Variants in ZNF385B observed in about 807,000 individuals in gnomAD.
ZNF385B encodes the protein zinc finger protein 533.
Under a neutral mutation model 39.2 loss-of-function variants are expected in ZNF385B, and 23 were observed. The observed-to-expected ratio is 0.59, with a 90% CI of 0.42 to 0.83. ZNF385B has a LOEUF of 0.83. ZNF385B is among the 40% of genes least tolerant of loss of function. The probability of loss-of-function intolerance (pLI) is 0.00; values close to 1 mark genes in which losing one functional copy is unlikely to be tolerated. For missense variants in ZNF385B, 552 were observed against 598.9 expected, an observed-to-expected ratio of 0.92 and a Z score of 0.82; for synonymous variants, 205 against 222.6, an observed-to-expected ratio of 0.92 and a Z score of 0.70.
chr2:179,715,857 T>C (rs1700297341), intron 3 of ZNF385B, among the ~76,000 whole-genome samples: 1 of 152,178 alleles, frequency 6.6e-6, no homozygotes, highest in Non-Finnish European at 1.5e-5. Context: ...ATACCCATCA[T>C]GAATAAATAT....
chr2:179,495,970 G>A (rs1181522593), intron 5 of ZNF385B, among the ~76,000 whole-genome samples: 2 of 152,078 alleles, frequency 1.3e-5, no homozygotes, highest in Non-Finnish European at 2.9e-5. Context: ...ACACTATCCA[G>A]GAAAACATGA....
In ZNF385B at chr2:179,801,221, C is replaced by A. The variant is rs138722642; in HGVS notation, c.-154-30549G>T. ...TCTCCTTCATACTATGGAGTTGTTA[C>A]TAGGAAGTAGCTGCTCACGGAGGCC... On this transcript the variant is annotated intron_variant, in intron 1 of 9. Transcript: ENST00000410066. Among the ~76,000 whole-genome samples, 529 of 152,154 alleles carry A rather than the reference C, an allele frequency of 3.5e-3. 2 individuals carry two copies. Among genetic ancestry groups the A allele is most frequent in the Middle Eastern group, 0.014 (4 of 294 alleles).
intron 3 of ZNF385B, among the ~76,000 whole-genome samples, chr2:179,676,027 T>C (rs964905426): frequency 6.6e-6 from 1 of 151,294 alleles, no homozygotes. Flanking sequence ...GACCTCGTGA[T>C]TGGCCCACCC....
intron 1 of ZNF385B, among the ~76,000 whole-genome samples, chr2:179,798,523 T>C (rs937527894): frequency 6.6e-6 from 1 of 152,170 alleles, no homozygotes; most frequent in African/African-American, 2.4e-5. Flanking sequence ...CTGATCTTCA[T>C]CTTTATCTTC....
intron 3 of ZNF385B, among the ~76,000 whole-genome samples, chr2:179,620,148 C>T (rs896939179): frequency 6.6e-6 from 1 of 152,144 alleles, no homozygotes; most frequent in Admixed American, 6.6e-5. Flanking sequence ...GAGTGATTAG[C>T]TAAGATTATG....
intron 6 of ZNF385B, among the ~76,000 whole-genome samples, chr2:179,473,693 GC>G (rs2053078228): frequency 6.6e-6 from 1 of 151,904 alleles, no homozygotes; most frequent in Non-Finnish European, 1.5e-5. Flanking sequence ...CCTCTGACAG[GC>G]CCCAGTGTGT....
intron 3 of ZNF385B, among the ~76,000 whole-genome samples, chr2:179,676,105 T>C (rs1393834980): frequency 6.6e-6 from 1 of 150,828 alleles, no homozygotes; most frequent in African/African-American, 2.4e-5. Context: ...TTTTTTTTCT[T>C]TGAGACGGAG....
chr2:179,530,749 T>C (rs143380099), intron 4 of ZNF385B, among the ~76,000 whole-genome samples: 43 of 152,344 alleles, frequency 2.8e-4, no homozygotes, highest in African/African-American at 8.9e-4. Flanking sequence ...ATGAAGCATT[T>C]TTCCCCATAA....
intron 3 of ZNF385B, among the ~76,000 whole-genome samples, chr2:179,683,741 G>A (rs925471285): frequency 3.3e-5 from 5 of 152,122 alleles, no homozygotes; most frequent in African/African-American, 9.7e-5. Flanking sequence ...CTCCCAAAGT[G>A]CTAGGATTAC....
At chr2:179,498,947 G>C (rs774068503) in intron 5 of ZNF385B, among the ~76,000 whole-genome samples, 13 of 151,764 alleles carry the variant, frequency 8.6e-5, no homozygotes, top group Non-Finnish European at 1.5e-4. Flanking sequence ...AAAAAAGACA[G>C]AAGATCCAAA....
chr2:179,532,458 C>T (rs2059310517), intron 4 of ZNF385B, among the ~76,000 whole-genome samples: 1 of 152,128 alleles, frequency 6.6e-6, no homozygotes, highest in African/African-American at 2.4e-5. Flanking sequence ...AGCAAGTTGT[C>T]ATGAAACATG....
chr2:179,569,058 A>G (rs1684915446), intron 3 of ZNF385B, among the ~76,000 whole-genome samples: 1 of 152,168 alleles, frequency 6.6e-6, no homozygotes, highest in African/African-American at 2.4e-5. Flanking sequence ...CCAATTTTCA[A>G]ATTAACACAG....
At chr2:179,469,582 G>A (rs1451583820) in intron 6 of ZNF385B, among the ~76,000 whole-genome samples, 2 of 152,150 alleles carry the variant, frequency 1.3e-5, no homozygotes, top group East Asian at 3.9e-4. Flanking sequence ...CAAATTGGCC[G>A]ACTTTGGGTA....
chr2:179,853,887 A>G (rs1684372872), intron 1 of ZNF385B, among the ~76,000 whole-genome samples: 1 of 152,218 alleles, frequency 6.6e-6, no homozygotes, highest in South Asian at 2.1e-4. Context: ...TGAAATTTGC[A>G]TCCACAAAAT....
intron 3 of ZNF385B, among the ~76,000 whole-genome samples, chr2:179,630,336 TA>T (rs976611820): frequency 3.9e-5 from 6 of 152,308 alleles, no homozygotes; most frequent in Admixed American, 2.0e-4. Flanking sequence ...CAGGCAGCAA[TA>T]TTTGCTGTTC....
intron 3 of ZNF385B, among the ~76,000 whole-genome samples, chr2:179,703,357 T>C (rs1699351545): frequency 6.6e-6 from 1 of 152,186 alleles, no homozygotes; most frequent in Non-Finnish European, 1.5e-5. Flanking sequence ...TCCCAGCCTG[T>C]CTTAACTATC....
At chr2:179,451,789 G>T (rs2050183642) in intron 6 of ZNF385B, among the ~76,000 whole-genome samples, 1 of 151,944 alleles carries the variant, frequency 6.6e-6, no homozygotes, top group South Asian at 2.1e-4. Flanking sequence ...AAACTTCAAA[G>T]CCTAATCTTA....
Position 179,784,305 on chromosome 2 carries a change from C to G in ZNF385B, c.-154-13633G>C, listed in dbSNP as rs550501773. On this transcript the variant is annotated intron_variant, in intron 1 of 9. Transcript: ENST00000410066. Reference sequence around the variant, plus strand: ...CACAAACAAGGAAACAGCAGACACTCGGGTCTACTTTAGGGGGAAGAATGG... The same window carrying G: ...CACAAACAAGGAAACAGCAGACACTGGGGTCTACTTTAGGGGGAAGAATGG... Among the ~76,000 whole-genome samples, 4 of 151,790 alleles carry G rather than the reference C, an allele frequency of 2.6e-5. No homozygotes were observed. The South Asian group carries it at 8.3e-4, about 31-fold the overall frequency.
At chr2:179,774,002 G>A (rs1400689134) in intron 1 of ZNF385B, among the ~76,000 whole-genome samples, 1 of 152,076 alleles carries the variant, frequency 6.6e-6, no homozygotes, top group Non-Finnish European at 1.5e-5. Flanking sequence ...AGTGTGATGT[G>A]TGTGTATATG....
Sources: allele counts gnomAD v4.1 joint callset (sites outside exome capture counted in the v4.1 genomes callset), GRCh38; gene constraint gnomAD v4.1.1; transcripts MANE v1.5; gene names NCBI Gene and HGNC (gene_info 2026-07-23, HGNC 2026-07-21).